CNIH3: variants seen among roughly 807,000 people sequenced by gnomAD.
The protein encoded by CNIH3 is protein cornichon homolog 3.
In CNIH3, 14 loss-of-function variants were observed where a neutral mutation model predicts 24.1. The ratio of observed to expected loss-of-function variants is 0.58; its 90% CI spans 0.38 to 0.91. CNIH3 has a LOEUF of 0.91. Ranked by LOEUF, CNIH3 falls within the 40% of genes least tolerant of loss-of-function variation. CNIH3 has a pLI of 0.00. For synonymous variants in CNIH3, 68 were observed against 73.8 expected, an observed-to-expected ratio of 0.92 and a Z score of 0.40; for missense variants, 178 against 196.8, an observed-to-expected ratio of 0.90 and a Z score of 0.57.
upstream of CNIH3, among the ~76,000 whole-genome samples, chr1:224,514,284 T>C (rs1312472238): frequency 6.6e-6 from 1 of 152,180 alleles, no homozygotes; most frequent in African/African-American, 2.4e-5. Flanking sequence ...TTTTAGTTTA[T>C]ACGCATGCAG....
chr1:224,595,248 G>A (rs1681927417), intron 3 of CNIH3, among the ~76,000 whole-genome samples: 2 of 152,112 alleles, frequency 1.3e-5, no homozygotes, highest in South Asian at 4.2e-4. Context: ...GTCTCACTAT[G>A]TCACCCAGGC....
intron 3 of CNIH3, among the ~76,000 whole-genome samples, chr1:224,594,038 T>C (rs1278603623): frequency 6.6e-6 from 1 of 152,248 alleles, no homozygotes; most frequent in Admixed American, 6.5e-5. Flanking sequence ...TACAGAGTTT[T>C]AGTTTGAGAA....
intron 1 of CNIH3, among the ~76,000 whole-genome samples, chr1:224,485,040 C>G (rs1049463078): frequency 2.6e-5 from 4 of 152,158 alleles, no homozygotes; most frequent in African/African-American, 9.7e-5. Flanking sequence ...CAGACATTGT[C>G]AATTTCAGCA....
intron 3 of CNIH3, among the ~76,000 whole-genome samples, chr1:224,711,172 A>G (rs1688122301): frequency 6.6e-6 from 1 of 152,250 alleles, no homozygotes; most frequent in Admixed American, 6.5e-5. Flanking sequence ...GGAGATGAAT[A>G]TGTCATAATT....
At chr1:224,439,364 T>A (rs1037961542) in intron 1 of CNIH3, among the ~76,000 whole-genome samples, 1 of 152,168 alleles carries the variant, frequency 6.6e-6, no homozygotes, top group African/African-American at 2.4e-5. Context: ...AAAACAGTCC[T>A]CTTCTCAGTA....
intron 4 of CNIH3, among the ~76,000 whole-genome samples, chr1:224,578,756 T>C (rs535875412): frequency 6.6e-6 from 1 of 152,366 alleles, no homozygotes; most frequent in Non-Finnish European, 1.5e-5. Context: ...CCAGTGTTGC[T>C]GCTAATTCAA....
chr1:224,579,286 A>G (rs1212507996), intron 4 of CNIH3, among the ~76,000 whole-genome samples: 1 of 151,946 alleles, frequency 6.6e-6, no homozygotes, highest in African/African-American at 2.4e-5. Flanking sequence ...TTTCATTGTA[A>G]AGGTTTTCCT....
At chr1:224,699,400 G>C (rs982567024) in intron 3 of CNIH3, among the ~76,000 whole-genome samples, 6 of 152,216 alleles carry the variant, frequency 3.9e-5, no homozygotes, top group Admixed American at 6.5e-5. Flanking sequence ...ATGTCAGCCA[G>C]GGGTGCCATA....
intron 2 of CNIH3, among the ~76,000 whole-genome samples, chr1:224,534,953 G>T (rs1679225708): frequency 6.6e-6 from 1 of 152,198 alleles, no homozygotes; most frequent in South Asian, 2.1e-4. Context: ...GTGCCTTGCA[G>T]ATTCAGCCTC....
At chr1:224,587,786 T>TA (rs1399426118) in intron 5 of CNIH3, among the ~76,000 whole-genome samples, 11 of 151,448 alleles carry the variant, frequency 7.3e-5, no homozygotes, top group African/African-American at 1.7e-4. Flanking sequence ...ACAAAAGTTT[T>TA]AAAAAAATAG....
At chr1:224,685,262 G>A (rs1686599269) in intron 3 of CNIH3, among the ~76,000 whole-genome samples, 2 of 152,168 alleles carry the variant, frequency 1.3e-5, no homozygotes, top group African/African-American at 4.8e-5. Context: ...AGCGTGTCAC[G>A]CAGCTTTGCA....
intron 3 of CNIH3, among the ~76,000 whole-genome samples, chr1:224,714,624 C>G (rs976405825): frequency 6.6e-6 from 1 of 152,206 alleles, no homozygotes; most frequent in African/African-American, 2.4e-5. Flanking sequence ...AGGCCCAGGG[C>G]TCTGGTACTG....
intron 1 of CNIH3, among the ~76,000 whole-genome samples, chr1:224,626,606 C>G (rs1683537869): frequency 6.6e-6 from 1 of 152,154 alleles, no homozygotes; most frequent in Non-Finnish European, 1.5e-5. Context: ...TTAAGATGAT[C>G]CCTGCTCTAG....
chr1:224,533,287 C>T (rs371780738), intron 2 of CNIH3, among the ~76,000 whole-genome samples: 12 of 151,320 alleles, frequency 7.9e-5, no homozygotes, highest in South Asian at 4.2e-4. Flanking sequence ...AGTAGTGGCG[C>T]GCCCTTATAT....
chr1:224,661,154 A>G, intron 1 of CNIH3: 2 of 232,068 alleles, frequency 8.6e-6, no homozygotes, highest in Non-Finnish European at 9.5e-6. Context: ...CATTTCTGTT[A>G]AGTGTGTGCA....
At chr1:224,477,354 C>T (rs1676630209) in intron 1 of CNIH3, among the ~76,000 whole-genome samples, 1 of 152,186 alleles carries the variant, frequency 6.6e-6, no homozygotes, top group Admixed American at 6.5e-5. Context: ...TCTCCTAAGT[C>T]GAATTCTGAA....
At chr1:224,498,252 G>A (rs991943384) in intron 1 of CNIH3, among the ~76,000 whole-genome samples, 1 of 152,202 alleles carries the variant, frequency 6.6e-6, no homozygotes, top group Non-Finnish European at 1.5e-5. Flanking sequence ...CTTAGGATTA[G>A]GCTAACATGG....
intron 1 of CNIH3, among the ~76,000 whole-genome samples, chr1:224,618,351 A>G (rs1050913818): frequency 1.3e-5 from 2 of 152,234 alleles, no homozygotes; most frequent in Non-Finnish European, 2.9e-5. Flanking sequence ...TAGGTGACAG[A>G]GAAGGACCCT....
At chr1:224,438,304 C>A (rs912907774) in intron 1 of CNIH3, among the ~76,000 whole-genome samples, 1 of 151,928 alleles carries the variant, frequency 6.6e-6, no homozygotes, top group African/African-American at 2.4e-5. Context: ...GCAATCCTCC[C>A]GTCTTGGCCT....
Sources: gnomAD v4.1 joint callset for allele counts (sites outside exome capture counted in the v4.1 genomes callset) on GRCh38, gnomAD v4.1.1 for gene constraint, MANE v1.5 for transcripts, NCBI Gene and HGNC (gene_info 2026-07-23, HGNC 2026-07-21) for gene names.